Variants in SPTBN4 observed in about 807,000 individuals in gnomAD.
SPTBN4 encodes the protein spectrin beta chain, non-erythrocytic 4.
In SPTBN4, 96 loss-of-function variants were observed where a neutral mutation model predicts 277.8. The observed-to-expected ratio is 0.35, with a 90% CI of 0.29 to 0.41. The LOEUF (loss-of-function observed/expected upper bound fraction) is 0.41. Ranked by LOEUF, SPTBN4 falls within the 10% of genes least tolerant of loss-of-function variation. The pLI, the probability that SPTBN4 is intolerant of heterozygous loss-of-function variation, is 1.00. For synonymous variants in SPTBN4, 1,481 were observed against 1,580.3 expected (o/e 0.94, Z 1.49); for missense variants, 3,006 against 3,595.7 (o/e 0.84, Z 4.19).
chr19:40,555,962 C>A, intron 24 of SPTBN4, 122 bp from the exon 25 acceptor site: 1 of 814,432 alleles, frequency 1.2e-6, no homozygotes, highest in Non-Finnish European at 1.9e-6. Context: ...TACCTGGGGA[C>A]ACAGCCGTGT....
rs969515040 is a variant in SPTBN4 at position 40,557,488 on chromosome 19, A to C, written c.5670+85A>C. 6.1e-6 allele frequency: 9 copies of C among 1,468,524 alleles called. No individual in the cohort carries two copies. The African/African-American group carries it at 1.1e-4, about 18-fold the overall frequency. 91.0% of individuals were successfully genotyped at this position (1,468,524 alleles called of 1,614,324 possible). Reference sequence around the variant, plus strand: ...GTGGGCAAAAATCAGGCTGTGGAGCAGGTCGAAATTAGGCAGTGGCACAGA... The same window carrying C: ...GTGGGCAAAAATCAGGCTGTGGAGCCGGTCGAAATTAGGCAGTGGCACAGA... On this transcript the variant is annotated intron_variant, in intron 26 of 35. Coordinates refer to ENST00000598249, the MANE Select transcript of SPTBN4 (RefSeq NM_020971.3).
intron 2 of SPTBN4, among the ~76,000 whole-genome samples, chr19:40,485,633 C>T (rs1325012789): frequency 2.0e-5 from 3 of 151,834 alleles, no homozygotes; most frequent in African/African-American, 7.2e-5. Context: ...TCGTGAGACC[C>T]TTGTCTCTAC....
chr19:40,574,407 G>A (rs2081182270), intron 35 of SPTBN4, among the ~76,000 whole-genome samples: 1 of 151,696 alleles, frequency 6.6e-6, no homozygotes, highest in Admixed American at 6.6e-5. Flanking sequence ...TGTCACCCAG[G>A]CTGGAGTGCC....
intron 2 of SPTBN4, among the ~76,000 whole-genome samples, chr19:40,473,012 G>A (rs2079903990): frequency 1.3e-5 from 2 of 152,240 alleles, no homozygotes; most frequent in South Asian, 4.1e-4. Flanking sequence ...GACAGCCTTT[G>A]AGTTTTAAAT....
chr19:40,568,350 G>A, intron 31 of SPTBN4, 68 bp downstream of exon 31: 1 of 1,477,494 alleles, frequency 6.8e-7, no homozygotes, highest in Non-Finnish European at 9.0e-7. Context: ...GAACCCCTCA[G>A]GCCCAGTGAA....
chr19:40,565,707 C>T lies in SPTBN4; in HGVS notation c.6101C>T (p.Ser2034Leu), dbSNP rs759396925. The T allele has an allele frequency of 1.5e-5, 24 of 1,553,856 alleles. No homozygotes were observed. The highest frequency in any genetic ancestry group is 9.8e-5 in the Admixed American group (5 of 51,256). ...DKLGTRKEEV[S>L]EKWDRHWEWL... ...CTGGGAACCAGGAAGGAGGAGGTGT[C>T]GGAAAAGTGGGACCGCCATTGGGAG... The change falls in exon 29 of 36, where the codon TCG becomes TTG. Residue 2034 changes from serine to leucine, a missense_variant. Ser to Leu is a moderately radical substitution (Grantham distance 145, BLOSUM62 -2). This residue lies in a region of SPTBN4 where 425 missense variants were observed against 594.7 expected (regional missense o/e 0.71). Coordinates refer to ENST00000598249, the MANE Select transcript of SPTBN4 (RefSeq NM_020971.3).
intron 27 of SPTBN4, among the ~76,000 whole-genome samples, chr19:40,562,329 A>G (rs2081050577): frequency 1.3e-5 from 2 of 152,192 alleles, no homozygotes; most frequent in Middle Eastern, 3.4e-3. Context: ...CAGGACTTTG[A>G]GACCAGCTTG....
At chr19:40,491,738 A>AAAAAAAAT (rs2080139191) in intron 4 of SPTBN4, among the ~76,000 whole-genome samples, 6 of 147,038 alleles carry the variant, frequency 4.1e-5, no homozygotes, top group African/African-American at 1.0e-4. Flanking sequence ...AAAAAAAAAA[A>AAAAAAAAT]GTGACCGGGC....
intron 4 of SPTBN4, 59 bp from the exon 5 acceptor site, chr19:40,492,904 G>T: frequency 6.8e-7 from 1 of 1,461,036 alleles, no homozygotes. Context: ...TGGTGAGTGG[G>T]GGGCATTCGA....
chr19:40,565,887 T>G (rs1389966998), intron 29 of SPTBN4, 142 bp downstream of exon 29: 5 of 983,314 alleles, frequency 5.1e-6, no homozygotes, highest in Non-Finnish European at 7.4e-6. Context: ...CCTGGAAGGG[T>G]GGACAAGGGG....
intron 22 of SPTBN4, among the ~76,000 whole-genome samples, chr19:40,551,058 T>C (rs1343894174): frequency 6.6e-6 from 1 of 152,196 alleles, no homozygotes; most frequent in African/African-American, 2.4e-5. Context: ...TGGGCTGGCC[T>C]GGTTAAGCGC....
chr19:40,556,995 T>TTGG, intron 25 of SPTBN4, 28 bp from the exon 26 acceptor site: 1 of 1,484,776 alleles, frequency 6.7e-7, no homozygotes, highest in Non-Finnish European at 9.0e-7. Flanking sequence ...CACTTTGCTG[T>TTGG]ACCCCCCCCC....
chr19:40,491,704 A>C (rs1193448460), intron 4 of SPTBN4, among the ~76,000 whole-genome samples: 2 of 106,828 alleles, frequency 1.9e-5, no homozygotes, highest in Admixed American at 2.4e-4. Flanking sequence ...ATAGATAGAG[A>C]CTCTGTCTCA....
chr19:40,570,895 G>C, intron 33 of SPTBN4, 167 bp downstream of exon 33: 2 of 576,860 alleles, frequency 3.5e-6, no homozygotes, highest in Non-Finnish European at 2.6e-6. Flanking sequence ...AATCAAGAAA[G>C]CCAACCAATG....
intron 26 of SPTBN4, among the ~76,000 whole-genome samples, chr19:40,559,750 C>A (rs1259984833): frequency 2.0e-5 from 3 of 152,118 alleles, no homozygotes; most frequent in African/African-American, 7.2e-5. Context: ...AATTGAACAG[C>A]CGTCGTGTAG....
intron 14 of SPTBN4, among the ~76,000 whole-genome samples, chr19:40,514,853 C>T (rs1242391377): frequency 4.6e-5 from 7 of 152,104 alleles, no homozygotes; most frequent in Admixed American, 4.6e-4. Context: ...GCCTGTAATC[C>T]CAGTACTTTG....
At chr19:40,565,320 T>C in intron 27 of SPTBN4, 103 bp from the exon 28 acceptor site, 1 of 1,354,302 alleles carries the variant, frequency 7.4e-7, no homozygotes, top group Non-Finnish European at 1.0e-6. Context: ...TGAGGTGGTA[T>C]GGGATGTCAG....
At chr19:40,479,691 T>TATATAC (rs1214492195) in intron 2 of SPTBN4, among the ~76,000 whole-genome samples, 1 of 146,598 alleles carries the variant, frequency 6.8e-6, no homozygotes, top group African/African-American at 2.5e-5. Flanking sequence ...TATATATATA[T>TATATAC]ATATATATAT....
In SPTBN4 at chr19:40,557,322, G is replaced by T; in HGVS notation, c.5589G>T (p.Pro1863=). ...KRRRLPRLTT[P]PEPRPSASSM... ...GGCGGCTGCCCCGCCTGACCACCCC[G>T]CCTGAGCCGAGACCCAGTGCCAGTT... Residue 1863 remains proline, a synonymous_variant, in exon 26 of 36, where the codon CCG becomes CCT. Coordinates refer to ENST00000598249, the MANE Select transcript of SPTBN4 (RefSeq NM_020971.3). 1.2e-6 allele frequency: 2 copies of T among 1,613,116 alleles called. No individual in the cohort carries two copies. The highest frequency in any genetic ancestry group is 1.7e-6 in the Non-Finnish European group (2 of 1,179,720).
Sources: gnomAD v4.1 joint callset for allele counts (sites outside exome capture counted in the v4.1 genomes callset) on GRCh38, gnomAD v4.1.1 for gene constraint, gnomAD v4.1.1 regional missense constraint, MANE v1.5 for transcripts, NCBI Gene and HGNC (gene_info 2026-07-23, HGNC 2026-07-21) for gene names.